The following ARHGEF6 variants were observed in gnomAD, a reference collection of about 807,000 sequenced individuals.
ARHGEF6 encodes the protein rho guanine nucleotide exchange factor 6.
Under a neutral mutation model 70.3 loss-of-function variants are expected in ARHGEF6, and 9 were observed. The ratio of observed to expected loss-of-function variants is 0.13; its 90% CI spans 0.08 to 0.22. The LOEUF (loss-of-function observed/expected upper bound fraction) is 0.22, where lower values mean the gene tolerates loss of function less well. Ranked by LOEUF, ARHGEF6 falls within the 10% of genes least tolerant of loss-of-function variation. The pLI is 1.00. For synonymous variants in ARHGEF6, 201 were observed against 207.8 expected (o/e 0.97, Z 0.28); for missense variants, 470 against 563.0 (o/e 0.83, Z 1.67).
chrX:136,742,922 T>A (rs2077058958), intron 5 of ARHGEF6, among the ~76,000 whole-genome samples: 1 of 111,088 alleles, frequency 9.0e-6, no homozygotes, highest in South Asian at 3.8e-4. Flanking sequence ...CTGCAGTGAG[T>A]TGTGATAGCC....
At chrX:136,684,680 C>T (rs1369678704) in intron 12 of ARHGEF6, among the ~76,000 whole-genome samples, 1 of 111,056 alleles carries the variant, frequency 9.0e-6, no homozygotes, top group Admixed American at 9.6e-5. Flanking sequence ...TAACAGCTGC[C>T]TATGGGACAT....
In ARHGEF6 at chrX:136,780,857, G is replaced by A; in HGVS notation, c.26C>T (p.Thr9Ile). 1 of 1,211,517 alleles carries A rather than the reference G, an allele frequency of 8.3e-7. No homozygotes were observed. Among genetic ancestry groups the A allele is most frequent in the South Asian group, 1.8e-5 (1 of 56,976 alleles). Residue 9 changes from threonine to isoleucine, a missense_variant, in exon 1 of 22, where the codon ACA (threonine) becomes ATA (isoleucine). Thr to Ile is a moderately conservative substitution (Grantham distance 89). This residue lies in a region of ARHGEF6 where 379 missense variants were observed against 449.3 expected (regional missense o/e 0.84). Coordinates refer to ENST00000250617, the MANE Select transcript of ARHGEF6 (RefSeq NM_004840.3). The stretch of plus-strand genomic sequence containing the variant: ...TAAAACTCCCAAAGATATAAGCCAT[G>A]TCACGATTTGTTCTTCTGGATTCAT... MNPEEQIV[T>I]WLISLGVLES...
chrX:136,763,017 C>T (rs1441285314), intron 2 of ARHGEF6, among the ~76,000 whole-genome samples: 1 of 112,049 alleles, frequency 8.9e-6, no homozygotes, highest in Non-Finnish European at 1.9e-5. Context: ...GCATGCCTGA[C>T]ACCACATCAA....
chrX:136,674,244 C>T (rs1473354004), intron 19 of ARHGEF6, among the ~76,000 whole-genome samples: 1 of 112,480 alleles, frequency 8.9e-6, no homozygotes, highest in African/African-American at 3.2e-5. Context: ...TCCCCTCCCA[C>T]ATTCAAATGA....
At chrX:136,696,611 T>C (rs1430433772) in intron 9 of ARHGEF6, among the ~76,000 whole-genome samples, 1 of 110,814 alleles carries the variant, frequency 9.0e-6, no homozygotes, top group East Asian at 2.8e-4. Context: ...GAGCAAGACC[T>C]TGTCTCTGAA....
In ARHGEF6 at chrX:136,713,384, A is replaced by T; in HGVS notation, c.733-14T>A. The T allele has an allele frequency of 8.8e-7, 1 of 1,136,622 alleles. No homozygotes were observed. The highest frequency in any genetic ancestry group is 1.2e-6 in the Non-Finnish European group (1 of 828,556). The allele number at this position is 1,136,622 out of a possible 1,213,427, so 93.7% of individuals were successfully genotyped here. On this transcript the variant is annotated splice_polypyrimidine_tract_variant and intron_variant, in intron 6 of 21. Transcript: ENST00000250617. ...GTTCTGTAACACCTATGGAAAAAAA[A>T]GTCAATGTATTATAATCATCACGAT...
chrX:136,708,677 T>C lies in ARHGEF6; in HGVS notation c.921A>G (p.Ser307=). The part of the protein sequence containing the change: ...QTLCQALEEC[S]KFPENQHKVG... Reference sequence around the variant, plus strand: ...TATCAGAAATATGCCACACTTACTTTGAACATTCTTCCAAGGCTTGGCAGA... The same window carrying C: ...TATCAGAAATATGCCACACTTACTTCGAACATTCTTCCAAGGCTTGGCAGA... The change falls in exon 8 of 22, where the codon TCA becomes TCG. Residue 307 remains serine (S), a splice_region_variant and synonymous_variant. Transcript: ENST00000250617. 8.3e-6 allele frequency: 10 copies of C among 1,198,856 alleles called. No homozygotes were observed. Among genetic ancestry groups the C allele is most frequent in the Non-Finnish European group, 1.1e-5 (10 of 884,849 alleles).
intron 6 of ARHGEF6, among the ~76,000 whole-genome samples, chrX:136,725,382 A>C (rs1042980324): frequency 9.9e-6 from 1 of 101,339 alleles, no homozygotes; most frequent in East Asian, 3.8e-4. Flanking sequence ...CCAAAAAAAA[A>C]CGTGAGTAGT....
At chrX:136,764,334 T>C (rs1030024017) in intron 2 of ARHGEF6, among the ~76,000 whole-genome samples, 5 of 111,775 alleles carry the variant, frequency 4.5e-5, no homozygotes, top group African/African-American at 1.3e-4. Context: ...AGGATCTTCA[T>C]AGCAGCATTG....
intron 5 of ARHGEF6, among the ~76,000 whole-genome samples, chrX:136,735,616 G>A (rs2076977920): frequency 8.9e-6 from 1 of 111,898 alleles, no homozygotes; most frequent in African/African-American, 3.3e-5. Flanking sequence ...CCAATGGATT[G>A]TTCGTATAAT....
intron 6 of ARHGEF6, among the ~76,000 whole-genome samples, chrX:136,715,900 A>T (rs975374071): frequency 1.7e-4 from 19 of 112,553 alleles, no homozygotes; most frequent in African/African-American, 6.1e-4. Flanking sequence ...TTACCAGAGC[A>T]TAACCTATTT....
At position 136,762,062 on chromosome X, in the gene ARHGEF6, C is replaced by T. The variant is rs961836580; in HGVS notation, c.250-14470G>A. On this transcript the variant is annotated intron_variant, in intron 2 of 21. Transcript: ENST00000250617. ...CCTGAGTAGCTGGGATTACAGGCAC[C>T]CGCCATCATGCTCAGCTAATTTTGG... Among the ~76,000 whole-genome samples the T allele has an allele frequency of 6.3e-5, 7 of 111,079 alleles. No homozygotes were observed. In the Admixed American group the frequency reaches 6.7e-4, roughly 11 times the overall value.
intron 6 of ARHGEF6, among the ~76,000 whole-genome samples, chrX:136,727,367 T>C (rs868205139): frequency 2.8e-4 from 18 of 63,998 alleles, no homozygotes; most frequent in Admixed American, 4.0e-4. Context: ...CTTTCTTTCT[T>C]TCTTTCTTTC....
At chrX:136,778,490 C>CTT (rs141921963) in intron 2 of ARHGEF6, among the ~76,000 whole-genome samples, 1 of 102,167 alleles carries the variant, frequency 9.8e-6, no homozygotes, top group Admixed American at 1.1e-4. Flanking sequence ...TTATTTGATT[C>CTT]TTTTTTTTTT....
At position 136,724,270 on chromosome X, in the gene ARHGEF6, G is replaced by C. The variant is rs189431290; in HGVS notation, c.732+7832C>G. On this transcript the variant is annotated intron_variant, in intron 6 of 21. Transcript: ENST00000250617. ...AATTTTTGTATTTTTAGTAGAAGCG[G>C]GGTTTCACCATATTGGCCAGGCTGG... Among the ~76,000 whole-genome samples, 223 of 108,000 alleles carry C rather than the reference G, an allele frequency of 2.1e-3. 1 individual carries two copies. The highest frequency in any genetic ancestry group is 6.9e-3 in the African/African-American group (205 of 29,629). The allele number at this position is 108,000 out of a possible 115,157, so 93.8% of individuals were successfully genotyped here.
chrX:136,679,634 T>C lies in ARHGEF6; in HGVS notation c.1731A>G (p.Arg577=). The C allele has an allele frequency of 1.7e-6, 2 of 1,211,813 alleles. No homozygotes were observed. Among genetic ancestry groups the C allele is most frequent in the Non-Finnish European group, 2.2e-6 (2 of 895,381 alleles). ...HSSFSSTGQP[R]GPLEPPQIIK... is the part of the protein sequence containing the mutation. ...TAATTTGAGGAGGCTCCAAGGGTCC[T>C]CGGGGCTGTCCGGTAGAGCTAAAAG... Residue 577 remains arginine (R), a synonymous_variant, in exon 16 of 22, where the codon CGA becomes CGG. Coordinates refer to ENST00000250617, the MANE Select transcript of ARHGEF6 (RefSeq NM_004840.3).
At chrX:136,753,084 G>T (rs1400538855) in intron 2 of ARHGEF6, among the ~76,000 whole-genome samples, 1 of 112,082 alleles carries the variant, frequency 8.9e-6, no homozygotes, top group Non-Finnish European at 1.9e-5. Flanking sequence ...AACAAATAAT[G>T]CTCTTAGCTC....
At chrX:136,765,269 C>T (rs1160146418) in intron 2 of ARHGEF6, among the ~76,000 whole-genome samples, 2 of 112,239 alleles carry the variant, frequency 1.8e-5, no homozygotes, top group Non-Finnish European at 3.8e-5. Context: ...TTTGCATCTA[C>T]GGTCCTAAGC....
chrX:136,777,422 T>TA (rs56694000), intron 2 of ARHGEF6, among the ~76,000 whole-genome samples: 37,177 of 103,186 alleles, frequency 0.36, 6,123 homozygotes, highest in Non-Finnish European at 0.5. Context: ...TGGCCACAAT[T>TA]AAAAAAAAAA....
Sources: gnomAD v4.1 joint callset for allele counts (sites outside exome capture counted in the v4.1 genomes callset) on GRCh38, gnomAD v4.1.1 for gene constraint, gnomAD v4.1.1 regional missense constraint, MANE v1.5 for transcripts, NCBI Gene and HGNC (gene_info 2026-07-23, HGNC 2026-07-21) for gene names.